SDC2: variants seen among roughly 807,000 people sequenced by gnomAD.
SDC2 encodes syndecan 2.
Under a neutral mutation model 22.2 loss-of-function variants are expected in SDC2, and 13 were observed. That is an observed-to-expected ratio of 0.59 (90% CI 0.38 to 0.93). SDC2 has a LOEUF of 0.93. SDC2 is among the 40% of genes least tolerant of loss of function. The probability of loss-of-function intolerance (pLI) is 0.00; values close to 1 mark genes in which losing one functional copy is unlikely to be tolerated. For missense variants in SDC2, 235 were observed against 246.8 expected, an observed-to-expected ratio of 0.95 and a Z score of 0.32; for synonymous variants, 94 against 92.8, an observed-to-expected ratio of 1.01 and a Z score of -0.07.
chr8:96,589,567 C>G lies in SDC2; in HGVS notation c.61-3913C>G, dbSNP rs568400271. ...AGCTGGGATTACAGGCACCTGCCAC[C>G]ACACCCGCCTAATTTTTGTAATTTT... On this transcript the variant is annotated intron_variant, in intron 1 of 4. Coordinates refer to ENST00000302190, the MANE Select transcript of SDC2 (RefSeq NM_002998.4). 8.5e-5 allele frequency among the ~76,000 whole-genome samples: 13 copies of G among 152,298 alleles called. No individual in the cohort carries two copies. The South Asian group carries it at 2.7e-3, about 32-fold the overall frequency.
intron 1 of SDC2, among the ~76,000 whole-genome samples, chr8:96,579,511 G>A (rs1368489948): frequency 6.6e-6 from 1 of 152,216 alleles, no homozygotes; most frequent in Non-Finnish European, 1.5e-5. Context: ...AGTTCAGTCA[G>A]GATGTGACCA....
At chr8:96,545,160 T>C (rs977958535) in intron 1 of SDC2, among the ~76,000 whole-genome samples, 6 of 152,228 alleles carry the variant, frequency 3.9e-5, no homozygotes, top group African/African-American at 1.4e-4. Context: ...TTTTTAACTC[T>C]TCTCTGCCTA....
At chr8:96,606,318 G>C (rs191045912) in intron 3 of SDC2, among the ~76,000 whole-genome samples, 100 of 152,238 alleles carry the variant, frequency 6.6e-4, no homozygotes, top group African/African-American at 2.4e-3. Context: ...GGTTGGTCTC[G>C]AATGATCCTC....
chr8:96,521,418 G>C (rs1813495601), intron 1 of SDC2, among the ~76,000 whole-genome samples: 1 of 152,182 alleles, frequency 6.6e-6, no homozygotes, highest in Non-Finnish European at 1.5e-5. Context: ...TAGGGAGACT[G>C]CTCTGAAAAC....
intron 1 of SDC2, among the ~76,000 whole-genome samples, chr8:96,545,712 C>T (rs947672995): frequency 6.6e-6 from 1 of 152,186 alleles, no homozygotes; most frequent in African/African-American, 2.4e-5. Flanking sequence ...TCCACCCCGA[C>T]CCTGAAATTG....
At chr8:96,516,662 A>G (rs532519444) in intron 1 of SDC2, among the ~76,000 whole-genome samples, 2 of 152,222 alleles carry the variant, frequency 1.3e-5, no homozygotes, top group Admixed American at 6.5e-5. Context: ...TGGACATTTT[A>G]TGTAAGTGGA....
At chr8:96,565,209 C>T (rs1814280169) in intron 1 of SDC2, among the ~76,000 whole-genome samples, 2 of 150,414 alleles carry the variant, frequency 1.3e-5, no homozygotes, top group South Asian at 2.1e-4. Flanking sequence ...CTCAGCCTCC[C>T]GAGTAGCTGG....
chr8:96,518,560 A>G (rs1307404553), intron 1 of SDC2, among the ~76,000 whole-genome samples: 4 of 151,994 alleles, frequency 2.6e-5, no homozygotes, highest in Non-Finnish European at 5.9e-5. Context: ...AGGTTTCACC[A>G]TGTTGGCCAG....
rs553325797 is a variant in SDC2, at chr8:96,608,439, C to T, written c.411C>T (p.Asp137=). The change falls in exon 4 of 5, where the codon GAC becomes GAT. Residue 137 remains aspartate, a synonymous_variant. Coordinates refer to ENST00000302190, the MANE Select transcript of SDC2 (RefSeq NM_002998.4). ...ATGTGTATACTGAGAAACACTCAGA[C>T]AGTCTGTTTAAACGGACAGAAGTCC... The part of the protein sequence containing the change: ...DTNVYTEKHS[D]SLFKRTEVLA... The T allele has an allele frequency of 1.2e-6, 2 of 1,613,484 alleles. No individual in the cohort carries two copies. Among genetic ancestry groups the T allele is most frequent in the Non-Finnish European group, 8.5e-7 (1 of 1,179,720 alleles).
intron 1 of SDC2, among the ~76,000 whole-genome samples, chr8:96,590,382 G>T (rs189667287): frequency 6.6e-6 from 1 of 152,214 alleles, no homozygotes; most frequent in African/African-American, 2.4e-5. Flanking sequence ...GTCCCATTGA[G>T]TAAGGGAGTG....
intron 1 of SDC2, among the ~76,000 whole-genome samples, chr8:96,516,709 T>C (rs963865443): frequency 2.0e-5 from 3 of 152,222 alleles, no homozygotes; most frequent in Non-Finnish European, 4.4e-5. Flanking sequence ...TTAACTTCTT[T>C]CAGTTAGCAT....
intron 1 of SDC2, among the ~76,000 whole-genome samples, chr8:96,530,786 T>A (rs146697007): frequency 4.0e-4 from 61 of 152,390 alleles, no homozygotes; most frequent in African/African-American, 1.4e-3. Flanking sequence ...TATAAAGCAC[T>A]GTGCCCTACA....
At chr8:96,507,300 T>G (rs1392794986) in intron 1 of SDC2, among the ~76,000 whole-genome samples, 1 of 152,234 alleles carries the variant, frequency 6.6e-6, no homozygotes, top group African/African-American at 2.4e-5. Flanking sequence ...ATTCCCCACA[T>G]TAATGATTAG....
At chr8:96,512,041 A>G (rs1813335850) in intron 1 of SDC2, among the ~76,000 whole-genome samples, 1 of 152,196 alleles carries the variant, frequency 6.6e-6, no homozygotes, top group Admixed American at 6.5e-5. Context: ...TGGCCAGTCC[A>G]TCCATACTGT....
rs544647653 is a variant in SDC2, at chr8:96,509,176, C to T, written c.60+14845C>T. 2.8e-5 allele frequency among the ~76,000 whole-genome samples: 4 copies of T among 142,006 alleles called. No homozygotes were observed. The East Asian group carries it at 7.8e-4, about 28-fold the overall frequency. 93.2% of individuals were successfully genotyped at this position (142,006 alleles called of 152,430 possible). The stretch of plus-strand genomic sequence containing the variant: ...TAACCTCTCTATGCTTCCATTTTCA[C>T]ATCTGTATAAAGGAGATTAGTCATA... On this transcript the variant is annotated intron_variant, in intron 1 of 4. Coordinates refer to ENST00000302190, the MANE Select transcript of SDC2 (RefSeq NM_002998.4).
chr8:96,535,805 A>G (rs1280241317), intron 1 of SDC2, among the ~76,000 whole-genome samples: 1 of 152,238 alleles, frequency 6.6e-6, no homozygotes, highest in East Asian at 1.9e-4. Flanking sequence ...ATGATCAGGT[A>G]TTAGCTGAAC....
intron 2 of SDC2, among the ~76,000 whole-genome samples, chr8:96,598,487 G>A (rs532773874): frequency 5.5e-4 from 84 of 152,006 alleles, no homozygotes; most frequent in African/African-American, 2.0e-3. Flanking sequence ...GCGTGGTGGC[G>A]CATGCCTGTA....
intron 1 of SDC2, among the ~76,000 whole-genome samples, chr8:96,538,282 C>A (rs1254929137): frequency 6.6e-6 from 1 of 152,098 alleles, no homozygotes; most frequent in Non-Finnish European, 1.5e-5. Flanking sequence ...ATATATTGGG[C>A]TTCCATTCCT....
chr8:96,593,506 CAT>C lies in SDC2; in HGVS notation c.88_89del (p.Met30ValfsTer3). On this transcript the variant is annotated frameshift_variant, in exon 2 of 5. Coordinates refer to ENST00000302190, the MANE Select transcript of SDC2 (RefSeq NM_002998.4). LOFTEE classifies it high-confidence loss of function. ...SRAELTSDKD[M>X]YLDNSSIEEA... ...GAGCAGAGCTGACATCTGATAAAGA[CAT>C]GTACCTTGACAACAGCTCCATTGAA... 6.2e-7 allele frequency: 1 copy of C among 1,613,626 alleles called. No individual in the cohort carries two copies. Among genetic ancestry groups the C allele is most frequent in the Non-Finnish European group, 8.5e-7 (1 of 1,179,502 alleles).
Sources: allele counts gnomAD v4.1 joint callset (sites outside exome capture counted in the v4.1 genomes callset), GRCh38; gene constraint gnomAD v4.1.1; transcripts MANE v1.5; gene names NCBI Gene and HGNC (gene_info 2026-07-23, HGNC 2026-07-21).